TBX1: variants seen among roughly 807,000 people sequenced by gnomAD.
TBX1 encodes the protein T-box transcription factor TBX1.
In TBX1, 16 loss-of-function variants were observed where a neutral mutation model predicts 40.8. The observed-to-expected ratio is 0.39, with a 90% CI of 0.27 to 0.60. The LOEUF (loss-of-function observed/expected upper bound fraction) is 0.60. TBX1 is among the 20% of genes least tolerant of loss of function. TBX1 has a pLI of 0.51. For missense variants in TBX1, 755 were observed against 728.5 expected (o/e 1.04, Z -0.42); for synonymous variants, 403 against 336.8 (o/e 1.20, Z -2.15).
downstream of TBX1, among the ~76,000 whole-genome samples, chr22:19,781,400 G>T (rs1937141464): frequency 6.6e-6 from 1 of 152,000 alleles, no homozygotes; most frequent in South Asian, 2.1e-4. Context: ...CGGCTTTTTT[G>T]TTGTTGTTGA....
intron 6 of TBX1, 56 bp downstream of exon 6, chr22:19,766,058 C>A (rs888573903): frequency 7.3e-7 from 1 of 1,376,542 alleles, no homozygotes. Flanking sequence ...CTACCCCGGG[C>A]CGGCGGCCTC....
At chr22:19,777,952 A>G (rs1295041874) in intron 8 of TBX1, among the ~76,000 whole-genome samples, 2 of 151,420 alleles carry the variant, frequency 1.3e-5, no homozygotes, top group Admixed American at 6.6e-5. Flanking sequence ...TGGAGATGGG[A>G]TTTTGCCATG....
intron 2 of TBX1, among the ~76,000 whole-genome samples, chr22:19,763,908 A>G (rs1936748973): frequency 6.6e-6 from 1 of 152,062 alleles, no homozygotes; most frequent in African/African-American, 2.4e-5. Context: ...GCAGGAGCCC[A>G]GCCTCCCCCT....
intron 4 of TBX1, 81 bp downstream of exon 4, chr22:19,765,194 A>C: frequency 6.3e-7 from 1 of 1,599,214 alleles, no homozygotes; most frequent in African/African-American, 1.3e-5. Flanking sequence ...GTTTGGGGAC[A>C]GTGGGTCCGC....
rs1386513057 is a variant in TBX1 at position 19,779,346 on chromosome 22, G to GC, written c.1138dup (p.Gln380ProfsTer16). 1.9e-6 allele frequency: 3 copies of GC among 1,614,098 alleles called. No individual in the cohort carries two copies. The highest frequency in any genetic ancestry group is 2.5e-6 in the Non-Finnish European group (3 of 1,180,058). On this transcript the variant is annotated frameshift_variant, in exon 9 of 9. Transcript: ENST00000329705. LOFTEE classifies it low-confidence loss of function (END_TRUNC). ...CTGGGGCTCCCCTGCCCCGCAGAGT[G>GC]CCAACCCTTCAATACCCAGGGCCTG...
rs972389680 is a variant in TBX1, at chr22:19,766,786, T to C, written c.1434T>C (p.Ala478=). The C allele has an allele frequency of 1.1e-5, 16 of 1,489,418 alleles. No homozygotes were observed. The East Asian group carries it at 3.2e-4, about 30-fold the overall frequency. The allele number at this position is 1,489,418 out of a possible 1,614,324, so 92.3% of individuals were successfully genotyped here. The change falls in exon 7 of 7, where the codon GCT becomes GCC. Residue 478 remains alanine (A), a synonymous_variant. Transcript: ENST00000649276. ...CAGCCGCCGCGGCCGCCGCCGCCGC[T>C]GCCGCAGCTGCCGCGGCCGCCAACA... ...VSPAAAAAAA[A]AAAAAAANMY...
chr22:19,757,203 GT>G (rs1936506878), upstream of TBX1, among the ~76,000 whole-genome samples: 1 of 152,144 alleles, frequency 6.6e-6, no homozygotes, highest in South Asian at 2.1e-4. Context: ...ACCTCTTCCC[GT>G]CGCCCTTCTG....
chr22:19,763,210 C>T (rs1569020268), intron 1 of TBX1, 31 bp from the exon 2 acceptor site: 1 of 1,594,802 alleles, frequency 6.3e-7, no homozygotes, highest in Non-Finnish European at 8.6e-7. Context: ...CTTCCACCAG[C>T]TAGGGTGACC....
At chr22:19,774,236 G>C (rs1937032034) in intron 8 of TBX1, among the ~76,000 whole-genome samples, 1 of 152,158 alleles carries the variant, frequency 6.6e-6, no homozygotes, top group Non-Finnish European at 1.5e-5. Flanking sequence ...AGTGAAGCAG[G>C]AGGACTGCTT....
In TBX1 at chr22:19,764,345, A is replaced by G; in HGVS notation, c.711+19A>G. On this transcript the variant is annotated intron_variant, in intron 3 of 6. Transcript: ENST00000649276. Reference sequence around the variant, plus strand: ...CGGCCACGTGAGCGACTGCCTCCCCAGGCTCCGGTGTCCCCCAAGGCCTCG... The same window carrying G: ...CGGCCACGTGAGCGACTGCCTCCCCGGGCTCCGGTGTCCCCCAAGGCCTCG... The G allele has an allele frequency of 6.2e-7, 1 of 1,606,876 alleles. No homozygotes were observed. Among genetic ancestry groups the G allele is most frequent in the Non-Finnish European group, 8.5e-7 (1 of 1,179,754 alleles).
chr22:19,758,961 G>C (rs963009463), upstream of TBX1, among the ~76,000 whole-genome samples: 3 of 152,220 alleles, frequency 2.0e-5, no homozygotes, highest in African/African-American at 7.2e-5. Context: ...GCCGGTGCGA[G>C]AGCCCAAGCT....
downstream of TBX1, among the ~76,000 whole-genome samples, chr22:19,781,344 A>G (rs1372248733): frequency 2.0e-5 from 3 of 152,138 alleles, no homozygotes; most frequent in Non-Finnish European, 2.9e-5. Flanking sequence ...AGCCTCTTGA[A>G]TAACTGGGTA....
chr22:19,765,797 G>T lies in TBX1; in HGVS notation c.907G>T (p.Gly303Cys). Residue 303 changes from glycine to cysteine, a missense_variant, in exon 5 of 7, where the codon GGC (glycine) becomes TGC (cysteine). By Grantham distance (159) the Gly-to-Cys change is radical. This residue lies in a region of TBX1 where 412 missense variants were observed against 317.6 expected (regional missense o/e 1.30). Coordinates refer to ENST00000649276, the MANE Select transcript of TBX1 (RefSeq NM_001379200.1). ...LKIASNPFAK[G>C]FRDCDPEDWP... ...GATTGCCAGCAATCCCTTCGCGAAA[G>T]GCTTCCGGGACTGTGACCCTGAGGA... The T allele has an allele frequency of 1.2e-6, 2 of 1,611,296 alleles. No homozygotes were observed. Among genetic ancestry groups the T allele is most frequent in the East Asian group, 4.5e-5 (2 of 44,746 alleles).
chr22:19,780,779 T>TG (rs1937133356), downstream of TBX1, among the ~76,000 whole-genome samples: 2 of 142,952 alleles, frequency 1.4e-5, no homozygotes, highest in Non-Finnish European at 3.0e-5. Context: ...GTTTTCTGTT[T>TG]TTTTTTTTGT....
intron 1 of TBX1, among the ~76,000 whole-genome samples, chr22:19,762,786 G>C: frequency 6.6e-6 from 1 of 152,188 alleles, no homozygotes; most frequent in Non-Finnish European, 1.5e-5. Context: ...TAAAAGGGCA[G>C]CGGGGACGCC....
chr22:19,762,838 C>T (rs907082051), intron 1 of TBX1, among the ~76,000 whole-genome samples: 5 of 152,136 alleles, frequency 3.3e-5, no homozygotes, highest in African/African-American at 7.2e-5. Flanking sequence ...TTGTTGGAGC[C>T]GGGAGCTGCT....
downstream of TBX1, among the ~76,000 whole-genome samples, chr22:19,769,439 A>C (rs948808165): frequency 6.6e-6 from 1 of 152,046 alleles, no homozygotes; most frequent in African/African-American, 2.4e-5. Context: ...TTTGTAGATG[A>C]GTTTGTGCAT....
At chr22:19,778,350 T>A (rs749912764) in intron 8 of TBX1, among the ~76,000 whole-genome samples, 12 of 151,996 alleles carry the variant, frequency 7.9e-5, no homozygotes, top group Non-Finnish European at 1.6e-4. Flanking sequence ...ATCCTCCCGC[T>A]TTTGCCCTCC....
intron 1 of TBX1, among the ~76,000 whole-genome samples, chr22:19,761,896 C>T (rs1936679419): frequency 6.6e-6 from 1 of 152,194 alleles, no homozygotes; most frequent in African/African-American, 2.4e-5. Flanking sequence ...ACCTCCCAAC[C>T]GGCCTGTATT....
Sources: allele counts gnomAD v4.1 joint callset (sites outside exome capture counted in the v4.1 genomes callset), GRCh38; gene constraint gnomAD v4.1.1; regional missense constraint gnomAD v4.1.1; transcripts MANE v1.5; gene names NCBI Gene and HGNC (gene_info 2026-07-23, HGNC 2026-07-21).